Variants in VGLL4 observed in about 807,000 individuals in gnomAD.
VGLL4 encodes transcription cofactor vestigial-like protein 4.
In VGLL4, 7 loss-of-function variants were observed where a neutral mutation model predicts 21.0. That is an observed-to-expected ratio of 0.33 (90% CI 0.19 to 0.63). VGLL4 has a LOEUF of 0.63. Ranked by LOEUF, VGLL4 falls within the 20% of genes least tolerant of loss-of-function variation. The pLI is 0.78. For missense variants in VGLL4, 394 were observed against 425.7 expected (o/e 0.93, Z 0.66); for synonymous variants, 222 against 173.2 (o/e 1.28, Z -2.21).
chr3:11,566,151 C>G (rs891832004), intron 2 of VGLL4, among the ~76,000 whole-genome samples: 1 of 152,206 alleles, frequency 6.6e-6, no homozygotes, highest in African/African-American at 2.4e-5. Flanking sequence ...ATGTTACACA[C>G]ACAATGAATG....
At chr3:11,567,438 A>T (rs1172096130) in intron 2 of VGLL4, among the ~76,000 whole-genome samples, 2 of 152,176 alleles carry the variant, frequency 1.3e-5, no homozygotes, top group African/African-American at 4.8e-5. Context: ...AAAGCAATTA[A>T]GGATTAAATG....
chr3:11,656,122 C>T (rs1177607611), intron 2 of VGLL4, among the ~76,000 whole-genome samples: 7 of 152,168 alleles, frequency 4.6e-5, no homozygotes, highest in Middle Eastern at 3.2e-3. Context: ...GTATGATTTC[C>T]TGAAGCACAT....
At chr3:11,666,627 G>A (rs1446732196) in intron 2 of VGLL4, among the ~76,000 whole-genome samples, 1 of 152,150 alleles carries the variant, frequency 6.6e-6, no homozygotes, top group African/African-American at 2.4e-5. Context: ...ACAGAATCGA[G>A]GATGACTGTA....
chr3:11,583,108 C>CA (rs2074276495), intron 2 of VGLL4, among the ~76,000 whole-genome samples: 1 of 152,156 alleles, frequency 6.6e-6, no homozygotes, highest in Admixed American at 6.6e-5. Context: ...TTCCACCTGC[C>CA]CACTACCTGA....
chr3:11,707,508 T>C (rs1371859372), intron 1 of VGLL4, among the ~76,000 whole-genome samples: 3 of 149,626 alleles, frequency 2.0e-5, no homozygotes, highest in African/African-American at 5.0e-5. Flanking sequence ...TATCTAGCCA[T>C]GGAAGAACAA....
Position 11,587,898 on chromosome 3 carries a change from G to C in VGLL4, c.272+13935C>G, listed in dbSNP as rs80126272. ...ACACCGGGATGAGATCACGTGCCGT[G>C]AAAGAAGCATCACGGGCAGGGCTGG... is the stretch of plus-strand genomic sequence containing the variant. On this transcript the variant is annotated intron_variant, in intron 2 of 4. Coordinates refer to ENST00000430365, the MANE Select transcript of VGLL4 (RefSeq NM_001128219.3). Among the ~76,000 whole-genome samples the C allele has an allele frequency of 2.1e-4, 32 of 152,368 alleles. No homozygotes were observed. The East Asian group carries it at 5.2e-3, about 25-fold the overall frequency.
Position 11,565,224 on chromosome 3 carries a change from G to A in VGLL4, c.273-205C>T, listed in dbSNP as rs552479395. Among the ~76,000 whole-genome samples the A allele has an allele frequency of 9.2e-5, 14 of 152,182 alleles. No individual in the cohort carries two copies. The highest frequency in any genetic ancestry group is 6.2e-4 in the South Asian group (3 of 4,824). On this transcript the variant is annotated intron_variant, in intron 2 of 4. Transcript: ENST00000430365. This position sits in a 1 kb window ranked among gnomAD's most constrained non-coding sequence, Gnocchi z 4.1. ...GGGTGCCGGAGAAGCTGCTGCCAGC[G>A]GAGTCCAAAGTCAGCTCCATAGAAG...
chr3:11,584,645 A>C (rs1336757280), intron 2 of VGLL4, among the ~76,000 whole-genome samples: 1 of 152,214 alleles, frequency 6.6e-6, no homozygotes, highest in African/African-American at 2.4e-5. Context: ...AAAACAATGT[A>C]AACAACCCAA....
At chr3:11,602,483 C>CT (rs901130011) in intron 1 of VGLL4, among the ~76,000 whole-genome samples, 30 of 151,210 alleles carry the variant, frequency 2.0e-4, no homozygotes, top group Non-Finnish European at 4.1e-4. Flanking sequence ...TATTTAATTT[C>CT]TTTTAAAAGA....
intron 2 of VGLL4, among the ~76,000 whole-genome samples, chr3:11,660,888 T>C (rs2125354553): frequency 6.6e-6 from 1 of 152,268 alleles, no homozygotes; most frequent in South Asian, 2.1e-4. Context: ...AAACTTTATG[T>C]TAACTGAACT....
chr3:11,658,088 C>T (rs1424874818), intron 2 of VGLL4, among the ~76,000 whole-genome samples: 1 of 146,358 alleles, frequency 6.8e-6, no homozygotes, highest in Non-Finnish European at 1.5e-5. Flanking sequence ...TGTGCACCAC[C>T]ACACCTGGCT....
intron 1 of VGLL4, among the ~76,000 whole-genome samples, chr3:11,642,151 G>C (rs181008785): frequency 1.1e-3 from 173 of 152,246 alleles, no homozygotes; most frequent in Non-Finnish European, 1.8e-3. Context: ...TCAGAAGCAA[G>C]ATGTTACTTA....
At chr3:11,606,785 A>G (rs1338210517) in intron 1 of VGLL4, among the ~76,000 whole-genome samples, 1 of 152,198 alleles carries the variant, frequency 6.6e-6, no homozygotes, top group Non-Finnish European at 1.5e-5. Context: ...TAAGGGAATA[A>G]AAGCTGGCCA....
chr3:11,582,281 C>G (rs1341529882), intron 2 of VGLL4: 2 of 1,605,868 alleles, frequency 1.2e-6, no homozygotes, highest in Non-Finnish European at 1.7e-6. Flanking sequence ...GTTCTTGGTA[C>G]TAACCTCACT....
At chr3:11,677,819 C>T (rs527509117) in intron 2 of VGLL4, among the ~76,000 whole-genome samples, 3 of 149,632 alleles carry the variant, frequency 2.0e-5, no homozygotes, top group South Asian at 2.1e-4. Context: ...GCAGGGGAAT[C>T]GCTTGAACCC....
At chr3:11,645,204 A>C (rs576027671), upstream of VGLL4, among the ~76,000 whole-genome samples, 294 of 151,690 alleles carry the variant, frequency 1.9e-3, 2 homozygotes, top group African/African-American at 7.0e-3. Context: ...AAAAAAAACA[A>C]AAACTAAACA....
chr3:11,629,746 C>CAAAA (rs10609918), intron 1 of VGLL4, among the ~76,000 whole-genome samples: 16 of 85,318 alleles, frequency 1.9e-4, no homozygotes, highest in South Asian at 8.0e-4. Context: ...AGACGGGTCT[C>CAAAA]AAAAAAAAAA....
chr3:11,592,883 A>C (rs1232087362), intron 2 of VGLL4, among the ~76,000 whole-genome samples: 1 of 152,194 alleles, frequency 6.6e-6, no homozygotes, highest in Non-Finnish European at 1.5e-5. Context: ...GTGCCAGCGC[A>C]CAAGGGCTCA....
At chr3:11,625,730 G>C (rs201680554) in intron 1 of VGLL4, among the ~76,000 whole-genome samples, 2 of 135,476 alleles carry the variant, frequency 1.5e-5, no homozygotes, top group Admixed American at 1.5e-4. Context: ...TTTTTTTTTT[G>C]TAAATAAAAT....
Sources: allele counts gnomAD v4.1 joint callset (sites outside exome capture counted in the v4.1 genomes callset), GRCh38; gene constraint gnomAD v4.1.1; non-coding constraint Gnocchi (gnomAD v3.1); transcripts MANE v1.5; gene names NCBI Gene and HGNC (gene_info 2026-07-23, HGNC 2026-07-21).